The following UIMC1 variants were observed in gnomAD, a reference collection of about 807,000 sequenced individuals.
The protein encoded by UIMC1 is ubiquitin interaction motif containing 1, also known as BRCA1-A complex subunit RAP80.
UIMC1 carries 42 observed loss-of-function variants against 84.9 expected under a neutral mutation model. The observed-to-expected ratio is 0.49, with a 90% CI of 0.39 to 0.64. The LOEUF (loss-of-function observed/expected upper bound fraction) is 0.64. Ranked by LOEUF, UIMC1 falls within the 30% of genes least tolerant of loss-of-function variation. The probability of loss-of-function intolerance (pLI) is 0.00; values close to 1 mark genes in which losing one functional copy is unlikely to be tolerated. For synonymous variants in UIMC1, 281 were observed against 293.0 expected, an observed-to-expected ratio of 0.96 and a Z score of 0.42; for missense variants, 825 against 847.6, an observed-to-expected ratio of 0.97 and a Z score of 0.33.
chr5:177,011,775 G>A (rs1239923705), upstream of UIMC1, among the ~76,000 whole-genome samples: 2 of 151,982 alleles, frequency 1.3e-5, no homozygotes, highest in African/African-American at 2.4e-5. Context: ...TGGAGCCGTG[G>A]CAGAGGAACA....
intron 6 of UIMC1, among the ~76,000 whole-genome samples, chr5:176,963,934 C>T (rs879650539): frequency 5.3e-5 from 8 of 152,126 alleles, no homozygotes; most frequent in Non-Finnish European, 8.8e-5. Flanking sequence ...ACTACCCCTT[C>T]CAACTCCTTG....
intron 11 of UIMC1, 71 bp from the exon 12 acceptor site, chr5:176,908,765 T>C: frequency 6.6e-7 from 1 of 1,519,430 alleles, no homozygotes; most frequent in South Asian, 1.3e-5. Flanking sequence ...CCTGGATATG[T>C]CTCAAATTGT....
intron 10 of UIMC1, among the ~76,000 whole-genome samples, chr5:176,917,537 A>G (rs921427207): frequency 1.3e-5 from 2 of 152,206 alleles, no homozygotes; most frequent in Non-Finnish European, 2.9e-5. Flanking sequence ...ACACCACTGC[A>G]CTCCAGCCTG....
chr5:176,927,964 G>C (rs1245699725), intron 10 of UIMC1, among the ~76,000 whole-genome samples: 1 of 150,754 alleles, frequency 6.6e-6, no homozygotes, highest in Non-Finnish European at 1.5e-5. Flanking sequence ...TGATTCTCCT[G>C]CCTCAGCCTC....
chr5:176,998,154 A>T (rs764798428), intron 1 of UIMC1, among the ~76,000 whole-genome samples: 4 of 152,050 alleles, frequency 2.6e-5, no homozygotes, highest in Non-Finnish European at 5.9e-5. Flanking sequence ...CAGTCCCAGC[A>T]CCTACCAAAT....
intron 7 of UIMC1, among the ~76,000 whole-genome samples, chr5:176,956,429 GAC>G (rs1020726923): frequency 3.9e-5 from 6 of 152,174 alleles, no homozygotes; most frequent in African/African-American, 1.2e-4. Flanking sequence ...GACAAGAGAA[GAC>G]ACAGAGATTC....
At chr5:176,930,415 T>G (rs1291478097) in intron 10 of UIMC1, among the ~76,000 whole-genome samples, 4 of 152,238 alleles carry the variant, frequency 2.6e-5, no homozygotes, top group African/African-American at 7.2e-5. Context: ...TGGTGTACCC[T>G]AGCTCTTGTC....
At chr5:176,980,855 C>T (rs1581629992) in intron 2 of UIMC1, among the ~76,000 whole-genome samples, 1 of 152,160 alleles carries the variant, frequency 6.6e-6, no homozygotes, top group East Asian at 1.9e-4. Flanking sequence ...TCCCACCTGC[C>T]TCAGCTTCCC....
At chr5:176,965,296 A>T (rs2149478148) in intron 6 of UIMC1, among the ~76,000 whole-genome samples, 1 of 151,764 alleles carries the variant, frequency 6.6e-6, no homozygotes, top group African/African-American at 2.4e-5. Flanking sequence ...GGTGGCGGGC[A>T]CCTGTAGTCC....
chr5:176,982,320 C>T (rs1771181882), intron 2 of UIMC1, 149 bp downstream of exon 2: 1 of 851,942 alleles, frequency 1.2e-6, no homozygotes, highest in African/African-American at 1.7e-5. Flanking sequence ...TTCTTCATTC[C>T]ATTTACAAAT....
At chr5:176,999,506 A>G (rs1158292657) in intron 1 of UIMC1, among the ~76,000 whole-genome samples, 1 of 146,284 alleles carries the variant, frequency 6.8e-6, no homozygotes, top group Non-Finnish European at 1.5e-5. Context: ...TATTGATTCT[A>G]TTTTTTTTTT....
chr5:176,912,023 C>T (rs1760278936), intron 10 of UIMC1, among the ~76,000 whole-genome samples: 1 of 152,208 alleles, frequency 6.6e-6, no homozygotes, highest in Non-Finnish European at 1.5e-5. Flanking sequence ...GTTATTTAAT[C>T]AAGTGTTTTC....
chr5:176,954,113 C>T lies in UIMC1; in HGVS notation c.1339+1846G>A, dbSNP rs148975139. 4.7e-4 allele frequency among the ~76,000 whole-genome samples: 71 copies of T among 152,270 alleles called. No individual in the cohort carries two copies. The East Asian group carries it at 0.013, about 27-fold the overall frequency. ...AATTAGCAGGCTAATGACAGCAAGT[C>T]ATGATCATAAAAGCTATCTAACCTC... On this transcript the variant is annotated intron_variant, in intron 8 of 14. Coordinates refer to ENST00000511320, the MANE Select transcript of UIMC1 (RefSeq NM_001199298.2).
At chr5:176,969,476 CTGATT>C in intron 5 of UIMC1, 120 bp downstream of exon 5, 2 of 1,274,966 alleles carry the variant, frequency 1.6e-6, no homozygotes, top group Non-Finnish European at 2.2e-6. Context: ...CAACTACTTC[CTGATT>C]TAACTTCTTT....
intron 6 of UIMC1, among the ~76,000 whole-genome samples, chr5:176,967,039 G>C (rs1001395421): frequency 6.6e-6 from 1 of 152,182 alleles, no homozygotes; most frequent in African/African-American, 2.4e-5. Context: ...TGACAATACT[G>C]CATTACTGTA....
chr5:176,974,050 C>G (rs899994237), intron 3 of UIMC1, among the ~76,000 whole-genome samples: 1 of 151,974 alleles, frequency 6.6e-6, no homozygotes, highest in Admixed American at 6.6e-5. Flanking sequence ...CAGAGTAGGA[C>G]CCTGCCTCAA....
intron 1 of UIMC1, among the ~76,000 whole-genome samples, chr5:176,983,873 C>A (rs1411998291): frequency 6.7e-6 from 1 of 150,222 alleles, no homozygotes; most frequent in Non-Finnish European, 1.5e-5. Flanking sequence ...AGGAGTGCCT[C>A]TGCCCGGCCG....
chr5:176,977,861 A>G (rs1181099137), intron 2 of UIMC1, among the ~76,000 whole-genome samples: 1 of 151,850 alleles, frequency 6.6e-6, no homozygotes, highest in African/African-American at 2.4e-5. Context: ...CAGTGAGCTG[A>G]TATCATGCCA....
At chr5:176,978,634 G>GA (rs1375177240) in intron 2 of UIMC1, among the ~76,000 whole-genome samples, 4 of 151,666 alleles carry the variant, frequency 2.6e-5, no homozygotes, top group Admixed American at 6.6e-5. Flanking sequence ...AATATATTGA[G>GA]AAAAAAATCA....
Sources: gnomAD v4.1 joint callset for allele counts (sites outside exome capture counted in the v4.1 genomes callset) on GRCh38, gnomAD v4.1.1 for gene constraint, MANE v1.5 for transcripts, NCBI Gene and HGNC (gene_info 2026-07-23, HGNC 2026-07-21) for gene names.